The following STAG1 variants were observed in gnomAD, a reference collection of about 807,000 sequenced individuals.
STAG1 encodes STAG1 cohesin complex component, also known as cohesin subunit SA-1.
A neutral mutation model predicts 170.9 loss-of-function variants in STAG1; 26 were observed. The observed-to-expected ratio is 0.15, with a 90% CI of 0.11 to 0.21. The LOEUF is 0.21. Among genes scored for constraint, STAG1 ranks in the 10% least tolerant of loss-of-function variants. The pLI is 1.00. For missense variants in STAG1, 964 were observed against 1,509.5 expected (o/e 0.64, Z 5.99); for synonymous variants, 514 against 497.7 (o/e 1.03, Z -0.44).
At chr3:136,420,833 G>C (rs1258948338) in intron 20 of STAG1, among the ~76,000 whole-genome samples, 1 of 152,218 alleles carries the variant, frequency 6.6e-6, no homozygotes, top group Admixed American at 6.5e-5. Context: ...AGAGTGCAGA[G>C]GCACGATCTC....
chr3:136,682,286 G>A (rs542822979), intron 1 of STAG1, among the ~76,000 whole-genome samples: 20 of 151,878 alleles, frequency 1.3e-4, no homozygotes, highest in African/African-American at 4.8e-4. Context: ...TTAGCCAGGC[G>A]TGGTGGTGGG....
rs370681903 is a variant in STAG1, at chr3:136,372,701, C to G, written c.2371-3419G>C. Among the ~76,000 whole-genome samples the G allele has an allele frequency of 2.6e-5, 4 of 152,186 alleles. No homozygotes were observed. The East Asian group carries it at 5.8e-4, about 22-fold the overall frequency. ...CCTTGCATCCCAGGAATGAAGCCCA[C>G]TTGATCATGGTGGATAAGCTTTTTG... On this transcript the variant is annotated intron_variant, in intron 23 of 33. Transcript: ENST00000383202.
chr3:136,340,410 C>G, intron 32 of STAG1, 81 bp downstream of exon 32: 1 of 912,346 alleles, frequency 1.1e-6, no homozygotes, highest in Non-Finnish European at 1.8e-6. Context: ...GTGTGAGCCA[C>G]CATGCCCGGC....
chr3:136,538,343 A>G lies in STAG1; in HGVS notation c.471+3776T>C, dbSNP rs536056071. ...GAAGAAATCTTTTCATGTATTTACT[A>G]TTTATAAGACATTTAGAAAATAGAT... is the stretch of plus-strand genomic sequence containing the variant. On this transcript the variant is annotated intron_variant, in intron 6 of 33. Coordinates refer to ENST00000383202, the MANE Select transcript of STAG1 (RefSeq NM_005862.3). Among the ~76,000 whole-genome samples, 18 of 152,198 alleles carry G rather than the reference A, an allele frequency of 1.2e-4. No homozygotes were observed. The East Asian group carries it at 2.9e-3, about 24-fold the overall frequency.
Position 136,723,421 on chromosome 3 carries a change from G to A in STAG1, c.-84+28774C>T, listed in dbSNP as rs1329121186. 1.2e-3 allele frequency among the ~76,000 whole-genome samples: 183 copies of A among 149,836 alleles called. 1 individual carries two copies. Among genetic ancestry groups the A allele is most frequent in the African/African-American group, 4.2e-3 (168 of 40,316 alleles). ...AGGTGAGGAGCGTCTCTGCCCAGCC[G>A]CCCCGTCTGAGAAGTGAGGAGACCC... On this transcript the variant is annotated intron_variant, in intron 1 of 33. Coordinates refer to ENST00000383202, the MANE Select transcript of STAG1 (RefSeq NM_005862.3).
At chr3:136,350,836 G>C (rs1250143077) in intron 28 of STAG1, among the ~76,000 whole-genome samples, 1 of 152,170 alleles carries the variant, frequency 6.6e-6, no homozygotes, top group East Asian at 1.9e-4. Context: ...TCCTGATGGA[G>C]TGAAAATGAG....
chr3:136,635,175 T>A (rs1940503790), intron 1 of STAG1, among the ~76,000 whole-genome samples: 1 of 152,042 alleles, frequency 6.6e-6, no homozygotes, highest in Non-Finnish European at 1.5e-5. Flanking sequence ...TACAAGAAAA[T>A]TACACATCAA....
chr3:136,616,969 T>C lies in STAG1; in HGVS notation c.132+6177A>G, dbSNP rs548242493. Among the ~76,000 whole-genome samples, 3 of 152,342 alleles carry C rather than the reference T, an allele frequency of 2.0e-5. No individual in the cohort carries two copies. In the East Asian group the frequency reaches 5.8e-4, roughly 29 times the overall value. On this transcript the variant is annotated intron_variant, in intron 3 of 33. Coordinates refer to ENST00000383202, the MANE Select transcript of STAG1 (RefSeq NM_005862.3). ...TAACATAGCATATACCCATATATTT[T>C]GCTGTGTGAAAGGCAATAATATATG...
chr3:136,553,294 G>A (rs1936478629), intron 5 of STAG1, among the ~76,000 whole-genome samples: 2 of 152,174 alleles, frequency 1.3e-5, no homozygotes, highest in East Asian at 3.9e-4. Context: ...ATACACAGAA[G>A]AGAGTATAAC....
chr3:136,533,862 C>T (rs1935495411), intron 6 of STAG1, among the ~76,000 whole-genome samples: 2 of 152,162 alleles, frequency 1.3e-5, no homozygotes, highest in South Asian at 4.1e-4. Context: ...TCAGTTCTCA[C>T]AGCAACAGAA....
intron 1 of STAG1, among the ~76,000 whole-genome samples, chr3:136,751,791 A>T (rs1576852019): frequency 1.4e-5 from 2 of 141,072 alleles, no homozygotes; most frequent in East Asian, 4.1e-4. Flanking sequence ...GGCGCGGGCG[A>T]CTCCCGAGAG....
intron 1 of STAG1, among the ~76,000 whole-genome samples, chr3:136,632,096 T>G (rs1940353690): frequency 6.6e-6 from 1 of 151,578 alleles, no homozygotes; most frequent in South Asian, 2.1e-4. Context: ...GACAATGGAG[T>G]AACATCTTAA....
chr3:136,573,270 T>C (rs200832387), intron 4 of STAG1, among the ~76,000 whole-genome samples: 1 of 151,982 alleles, frequency 6.6e-6, no homozygotes, highest in Non-Finnish European at 1.5e-5. Flanking sequence ...TGGCAACTGT[T>C]AGAAGCATTG....
At chr3:136,736,430 G>A (rs1252858710) in intron 1 of STAG1, 5 of 1,136,692 alleles carry the variant, frequency 4.4e-6, no homozygotes, top group Non-Finnish European at 5.3e-6. Context: ...AGGAAAGAAT[G>A]AGTCCTTCGA....
rs1936321853 is a variant in STAG1, at chr3:136,550,081, C to G, written c.395-7886G>C. Among the ~76,000 whole-genome samples the G allele has an allele frequency of 2.0e-5, 3 of 152,094 alleles. No individual in the cohort carries two copies. The Middle Eastern group carries it at 0.01, about 517-fold the overall frequency. ...ATCAGGGATCTATACTGGCCTTTTT[C>G]TTTTCGTGGTATCTTTTTTTTGTGA... On this transcript the variant is annotated intron_variant, in intron 5 of 33. Coordinates refer to ENST00000383202, the MANE Select transcript of STAG1 (RefSeq NM_005862.3).
chr3:136,521,467 A>G, intron 6 of STAG1, 50 bp from the exon 7 acceptor site: 1 of 1,547,482 alleles, frequency 6.5e-7, no homozygotes. Context: ...ACAGAGTTTG[A>G]TGAAAGCTTT....
At chr3:136,689,492 T>C (rs1942644684) in intron 1 of STAG1, among the ~76,000 whole-genome samples, 1 of 152,256 alleles carries the variant, frequency 6.6e-6, no homozygotes, top group Admixed American at 6.5e-5. Context: ...TAACAGTGGA[T>C]ATTTTATTGA....
At chr3:136,641,277 A>C (rs1203089317) in intron 1 of STAG1, among the ~76,000 whole-genome samples, 1 of 152,236 alleles carries the variant, frequency 6.6e-6, no homozygotes, top group Admixed American at 6.5e-5. Flanking sequence ...ACTAATGGGC[A>C]AAAGTACAGT....
At chr3:136,554,620 C>T (rs1021705663) in intron 5 of STAG1, among the ~76,000 whole-genome samples, 1 of 152,126 alleles carries the variant, frequency 6.6e-6, no homozygotes, top group Non-Finnish European at 1.5e-5. Flanking sequence ...TCTGAACAGG[C>T]ACAGTGGCTC....
Sources: gnomAD v4.1 joint callset for allele counts (sites outside exome capture counted in the v4.1 genomes callset) on GRCh38, gnomAD v4.1.1 for gene constraint, MANE v1.5 for transcripts, NCBI Gene and HGNC (gene_info 2026-07-23, HGNC 2026-07-21) for gene names.